The following POLN variants were observed in gnomAD, a reference collection of about 807,000 sequenced individuals.
The protein encoded by POLN is DNA polymerase N.
A neutral mutation model predicts 113.5 loss-of-function variants in POLN; 108 were observed. The ratio of observed to expected loss-of-function variants is 0.95; its 90% confidence interval spans 0.81 to 1.12. The LOEUF (loss-of-function observed/expected upper bound fraction) is 1.12, where lower values mean the gene tolerates loss of function less well. POLN is among the 50% of genes most tolerant of loss of function. The pLI is 0.00. For missense variants in POLN, 1,097 were observed against 1,077.1 expected, an observed-to-expected ratio of 1.02 and a Z score of -0.26; for synonymous variants, 386 against 391.5, an observed-to-expected ratio of 0.99 and a Z score of 0.17.
chr4:2,240,839 A>G (rs1734958352), intron 2 of POLN: 1 of 1,613,504 alleles, frequency 6.2e-7, no homozygotes. Flanking sequence ...GAAACGATTC[A>G]TCTTCAACGC....
chr4:2,091,800 T>TGTGCGCGC (rs577896956), intron 20 of POLN, among the ~76,000 whole-genome samples: 56 of 144,960 alleles, frequency 3.9e-4, no homozygotes, highest in Admixed American at 6.1e-4. Flanking sequence ...TGTGTGTGTG[T>TGTGCGCGC]GCGCGCGCTA....
chr4:2,103,238 A>G (rs550120089), intron 19 of POLN, among the ~76,000 whole-genome samples: 3 of 152,230 alleles, frequency 2.0e-5, no homozygotes, highest in East Asian at 1.9e-4. Flanking sequence ...AAAGAAATAG[A>G]TATCTCTAGA....
At chr4:2,177,321 T>C in intron 8 of POLN, 1 of 480,176 alleles carries the variant, frequency 2.1e-6, no homozygotes, top group Non-Finnish European at 4.2e-6. Flanking sequence ...CTTGCTGTCC[T>C]CCATAGAGGC....
At chr4:2,086,296 A>G (rs1730548196) in intron 20 of POLN, among the ~76,000 whole-genome samples, 1 of 152,146 alleles carries the variant, frequency 6.6e-6, no homozygotes, top group Non-Finnish European at 1.5e-5. Context: ...GCAACAAAGT[A>G]AGGCCTAGTT....
intron 19 of POLN, among the ~76,000 whole-genome samples, chr4:2,115,817 C>A (rs1018574927): frequency 1.3e-5 from 2 of 152,212 alleles, no homozygotes; most frequent in Non-Finnish European, 2.9e-5. Context: ...CAGTTCACTA[C>A]TGGTTTGAAA....
rs142928845 is a variant in POLN at position 2,238,794 on chromosome 4, G to A, written c.-13+2726C>T. 33 of 1,613,420 alleles carry A rather than the reference G, an allele frequency of 2.0e-5. No homozygotes were observed. The East Asian group carries it at 5.4e-4, about 26-fold the overall frequency. ...AATTCAATTTCATATGATAACTGTA[G>A]AAGTTCAAATGATGCCTTTTGTTTT... On this transcript the variant is annotated intron_variant, in intron 2 of 25. Transcript: ENST00000511885.
chr4:2,100,643 A>C (rs972847293), intron 19 of POLN, among the ~76,000 whole-genome samples: 3 of 152,200 alleles, frequency 2.0e-5, no homozygotes, highest in African/African-American at 7.2e-5. Flanking sequence ...CTGAAAAACA[A>C]ACCAAATGAG....
intron 22 of POLN, 66 bp from the exon 23 acceptor site, chr4:2,081,102 G>T: frequency 6.2e-7 from 1 of 1,610,688 alleles, no homozygotes. Context: ...TCAGCATTCT[G>T]CACCATCGCC....
Position 2,071,972 on chromosome 4 carries a change from C to T in POLN, c.*142G>A, listed in dbSNP as rs768651461. 8 of 924,186 alleles carry T rather than the reference C, an allele frequency of 8.7e-6. No individual in the cohort carries two copies. The highest frequency in any genetic ancestry group is 1.3e-5 in the South Asian group (1 of 75,052). 57.2% of individuals were successfully genotyped at this position (924,186 alleles called of 1,614,324 possible). ...AGACAAGGATGAGGAGGGCTTTGCA[C>T]AGGCATTTACTCCAGGGGATGGCGG... On this transcript the variant is annotated 3_prime_UTR_variant, in exon 26 of 26. Transcript: ENST00000511885. This position sits in a 1 kb window ranked among gnomAD's most constrained non-coding sequence, Gnocchi z 5.2.
Position 2,198,568 on chromosome 4 carries a change from A to T in POLN, c.864T>A (p.Ser288=). 6.2e-7 allele frequency: 1 copy of T among 1,613,520 alleles called. No individual in the cohort carries two copies. The highest frequency in any genetic ancestry group is 8.5e-7 in the Non-Finnish European group (1 of 1,179,762). ...CCTCCTGTTCTTGGTCCCAGATAGC[A>T]GAGTGCTCTATTTGAATGTAGATGC... The part of the protein sequence containing the change: ...DPCIYIQIEH[S]AIWDQEQEAH... The change falls in exon 6 of 26, where the codon TCT becomes TCA. Residue 288 remains serine (S), a synonymous_variant. Transcript: ENST00000511885.
At chr4:2,232,812 A>G (rs1395447395) in intron 2 of POLN, among the ~76,000 whole-genome samples, 1 of 152,162 alleles carries the variant, frequency 6.6e-6, no homozygotes, top group Non-Finnish European at 1.5e-5. Context: ...ACAAGTTTCC[A>G]TAGCTTTCTA....
At chr4:2,149,775 G>C (rs777413277) in intron 16 of POLN, among the ~76,000 whole-genome samples, 3 of 152,088 alleles carry the variant, frequency 2.0e-5, no homozygotes, top group Non-Finnish European at 4.4e-5. Flanking sequence ...AACAGAGTGA[G>C]ACCTGTGTCT....
chr4:2,176,329 C>T lies in POLN; in HGVS notation c.1185G>A (p.Gln395=). Residue 395 remains glutamine (Q), a synonymous_variant, in exon 9 of 26, where the codon CAG becomes CAA. Coordinates refer to ENST00000511885, the MANE Select transcript of POLN (RefSeq NM_181808.4). ...GTGTCTTCAGGTTCTCACGTACATT[C>T]TGATTCTTTAAAAGAGCAAAAGTAT... is the stretch of plus-strand genomic sequence containing the variant. ...YGNSSRNIVN[Q]NVRENLKTLY... is the part of the protein sequence containing the mutation. 1.3e-6 allele frequency: 2 copies of T among 1,595,454 alleles called. No individual in the cohort carries two copies. Among genetic ancestry groups the T allele is most frequent in the Non-Finnish European group, 1.7e-6 (2 of 1,172,680 alleles).
chr4:2,127,598 T>C lies in POLN; in HGVS notation c.1982+515A>G, dbSNP rs1330173438. 6.6e-6 allele frequency among the ~76,000 whole-genome samples: 1 copy of C among 152,018 alleles called. No individual in the cohort carries two copies. Among genetic ancestry groups the C allele is most frequent in the Non-Finnish European group, 1.5e-5 (1 of 67,990 alleles). ...AAGAGAAGCCAACGTCCTGAGAATATGATGAAAAAGGACGGGCCTGGGACG... is the reference window on the plus strand; with the variant it reads ...AAGAGAAGCCAACGTCCTGAGAATACGATGAAAAAGGACGGGCCTGGGACG... On this transcript the variant is annotated intron_variant, in intron 19 of 25. Coordinates refer to ENST00000511885, the MANE Select transcript of POLN (RefSeq NM_181808.4). This position sits in a 1 kb window ranked among gnomAD's most constrained non-coding sequence, Gnocchi z 4.7.
At chr4:2,186,430 T>G (rs1396176044) in intron 7 of POLN, among the ~76,000 whole-genome samples, 1 of 152,160 alleles carries the variant, frequency 6.6e-6, no homozygotes, top group Non-Finnish European at 1.5e-5. Flanking sequence ...CCCCTGGGCA[T>G]GAACTCCCGG....
At chr4:2,110,555 G>T (rs1027520242) in intron 19 of POLN, among the ~76,000 whole-genome samples, 1 of 152,002 alleles carries the variant, frequency 6.6e-6, no homozygotes, top group Non-Finnish European at 1.5e-5. Flanking sequence ...TGACAAAGGG[G>T]ATATCACCAC....
At chr4:2,110,716 A>G (rs970644589) in intron 19 of POLN, among the ~76,000 whole-genome samples, 1 of 152,228 alleles carries the variant, frequency 6.6e-6, no homozygotes, top group Non-Finnish European at 1.5e-5. Flanking sequence ...TGAATAGACC[A>G]ATAACAGGCT....
chr4:2,194,709 A>G (rs1326969150), intron 6 of POLN, among the ~76,000 whole-genome samples: 1 of 152,152 alleles, frequency 6.6e-6, no homozygotes, highest in Non-Finnish European at 1.5e-5. Flanking sequence ...AACAACAAAA[A>G]GAATACCTTG....
chr4:2,197,500 G>A (rs906850034), intron 6 of POLN, among the ~76,000 whole-genome samples: 1 of 152,174 alleles, frequency 6.6e-6, no homozygotes, highest in Admixed American at 6.5e-5. Context: ...GCAGGGTCCA[G>A]GGAAGACAGG....
Sources: gnomAD v4.1 joint callset for allele counts (sites outside exome capture counted in the v4.1 genomes callset) on GRCh38, gnomAD v4.1.1 for gene constraint, Gnocchi (gnomAD v3.1) non-coding constraint, MANE v1.5 for transcripts, NCBI Gene and HGNC (gene_info 2026-07-23, HGNC 2026-07-21) for gene names.